The following DENND1A variants were observed in gnomAD, a reference collection of about 807,000 sequenced individuals.
DENND1A encodes the protein DENN domain-containing protein 1A.
Under a neutral mutation model 113.7 loss-of-function variants are expected in DENND1A, and 51 were observed. That is an observed-to-expected ratio of 0.45 (90% CI 0.36 to 0.57). DENND1A has a LOEUF of 0.57. Ranked by LOEUF, DENND1A falls within the 20% of genes least tolerant of loss-of-function variation. DENND1A has a pLI of 0.00. For missense variants in DENND1A, 1,258 were observed against 1,395.9 expected, an observed-to-expected ratio of 0.90 and a Z score of 1.57; for synonymous variants, 565 against 570.8, an observed-to-expected ratio of 0.99 and a Z score of 0.14.
chr9:123,596,412 A>T (rs1205164047), intron 11 of DENND1A, among the ~76,000 whole-genome samples: 1 of 152,234 alleles, frequency 6.6e-6, no homozygotes. Context: ...TTTTATATTT[A>T]CCTATATTTT....
intron 5 of DENND1A, among the ~76,000 whole-genome samples, chr9:123,743,703 A>C (rs901485411): frequency 6.6e-6 from 1 of 151,740 alleles, no homozygotes; most frequent in African/African-American, 2.4e-5. Flanking sequence ...TTGCACTTCA[A>C]CCTGGGCAAC....
intron 21 of DENND1A, chr9:123,401,626 T>C: frequency 2.8e-6 from 4 of 1,438,168 alleles, no homozygotes; most frequent in Non-Finnish European, 3.7e-6. Context: ...CCCCAAATAT[T>C]TTCCAACAGA....
At chr9:123,582,247 C>G (rs1320160228) in intron 12 of DENND1A, among the ~76,000 whole-genome samples, 1 of 152,164 alleles carries the variant, frequency 6.6e-6, no homozygotes, top group Non-Finnish European at 1.5e-5. Context: ...GGGAGCTGCC[C>G]TGATCTCTAG....
At chr9:123,423,336 C>T (rs184472490) in intron 19 of DENND1A, among the ~76,000 whole-genome samples, 1 of 152,348 alleles carries the variant, frequency 6.6e-6, no homozygotes, top group Non-Finnish European at 1.5e-5. Context: ...CTCCCCCAGC[C>T]AGCCCTCTTC....
At chr9:123,887,629 C>CA (rs1424688364) in intron 1 of DENND1A, among the ~76,000 whole-genome samples, 1 of 151,172 alleles carries the variant, frequency 6.6e-6, no homozygotes, top group East Asian at 2.0e-4. Flanking sequence ...GGAGATCGTC[C>CA]ATGTTGGGTA....
At chr9:123,788,721 A>T (rs1258040054) in intron 3 of DENND1A, among the ~76,000 whole-genome samples, 2 of 152,116 alleles carry the variant, frequency 1.3e-5, no homozygotes, top group Non-Finnish European at 2.9e-5. Flanking sequence ...AAAATTTTCC[A>T]ATTGGCTTTT....
chr9:123,603,405 C>T (rs928833995), intron 11 of DENND1A, among the ~76,000 whole-genome samples: 14 of 152,148 alleles, frequency 9.2e-5, no homozygotes, highest in African/African-American at 2.4e-4. Context: ...CTCTGGATCC[C>T]GAGACCAAGA....
rs2768814 is a variant in DENND1A at position 123,784,490 on chromosome 9, A to C, written c.132+8097T>G. ...ACAGGACTTGTAGGTGTGTCCAAGG[A>C]GCAACCGGGACTGATTCTATGAGGC... On this transcript the variant is annotated intron_variant, in intron 3 of 23. Coordinates refer to ENST00000394215, the MANE Select transcript of DENND1A (RefSeq NM_001352964.2). Among the ~76,000 whole-genome samples the C allele has an allele frequency of 7.4e-3, 1,134 of 152,274 alleles. 9 individuals are homozygous for C. The highest frequency in any genetic ancestry group is 0.026 in the African/African-American group (1,071 of 41,538).
At chr9:123,780,946 A>C (rs1831219806) in intron 3 of DENND1A, among the ~76,000 whole-genome samples, 1 of 152,118 alleles carries the variant, frequency 6.6e-6, no homozygotes, top group African/African-American at 2.4e-5. Flanking sequence ...CTATCGATGG[A>C]ATGCACCTTG....
chr9:123,613,481 C>T (rs576148696), intron 10 of DENND1A, among the ~76,000 whole-genome samples: 1 of 152,294 alleles, frequency 6.6e-6, no homozygotes, highest in South Asian at 2.1e-4. Context: ...AGTGATCTTC[C>T]TGTTTAGGTT....
At chr9:123,457,972 G>A in intron 13 of DENND1A, 75 bp from the exon 14 acceptor site, 1 of 1,132,044 alleles carries the variant, frequency 8.8e-7, no homozygotes, top group South Asian at 1.5e-5. Context: ...CCTATTTGCA[G>A]AGTTTCTCCA....
chr9:123,884,322 A>C (rs1309908416), intron 1 of DENND1A, among the ~76,000 whole-genome samples: 13 of 152,202 alleles, frequency 8.5e-5, no homozygotes, highest in Admixed American at 8.5e-4. Context: ...CTAATTTGGT[A>C]CATGTAATGA....
intron 1 of DENND1A, among the ~76,000 whole-genome samples, chr9:123,904,038 C>T (rs2133934111): frequency 6.6e-6 from 1 of 152,188 alleles, no homozygotes; most frequent in Non-Finnish European, 1.5e-5. Context: ...AACGGGCAGA[C>T]TGCCTCCTCA....
chr9:123,824,707 T>C (rs761363844), intron 2 of DENND1A, among the ~76,000 whole-genome samples: 9 of 152,212 alleles, frequency 5.9e-5, no homozygotes, highest in Non-Finnish European at 8.8e-5. Flanking sequence ...AAGGTACTAC[T>C]GTAAACTGTT....
intron 9 of DENND1A, among the ~76,000 whole-genome samples, chr9:123,642,482 C>T (rs2062081519): frequency 6.6e-6 from 1 of 152,222 alleles, no homozygotes; most frequent in African/African-American, 2.4e-5. Flanking sequence ...TAGTTTTCTT[C>T]TCACTTCTTT....
At chr9:123,527,127 C>T (rs1441580352) in intron 13 of DENND1A, among the ~76,000 whole-genome samples, 1 of 152,100 alleles carries the variant, frequency 6.6e-6, no homozygotes, top group African/African-American at 2.4e-5. Context: ...AATCCTAAGC[C>T]CTGTGGATCC....
At chr9:123,475,086 T>G (rs1465570531) in intron 13 of DENND1A, among the ~76,000 whole-genome samples, 1 of 152,166 alleles carries the variant, frequency 6.6e-6, no homozygotes, top group Non-Finnish European at 1.5e-5. Context: ...TGGCCCGATC[T>G]CAGCTCACTG....
chr9:123,644,418 C>A lies in DENND1A; in HGVS notation c.618+7595G>T, dbSNP rs866879722. Among the ~76,000 whole-genome samples the A allele has an allele frequency of 2.1e-4, 27 of 125,680 alleles. 1 individual carries two copies. Among genetic ancestry groups the A allele is most frequent in the Admixed American group, 7.3e-4 (9 of 12,254 alleles). The allele number at this position is 125,680 out of a possible 152,430, so 82.5% of individuals were successfully genotyped here. A position where few individuals can be genotyped will look rare whatever the true frequency, so the allele number is the denominator to read the frequency against. ...AAAAAAAAAACCTCTAAGTACTATACAATCAGGTCTTATTTTTCACCCAAA... is the reference window on the plus strand; with the variant it reads ...AAAAAAAAAACCTCTAAGTACTATAAAATCAGGTCTTATTTTTCACCCAAA... On this transcript the variant is annotated intron_variant, in intron 9 of 23. Transcript: ENST00000394215.
At chr9:123,473,321 G>A (rs946488184) in intron 13 of DENND1A, among the ~76,000 whole-genome samples, 3 of 152,198 alleles carry the variant, frequency 2.0e-5, no homozygotes, top group Non-Finnish European at 4.4e-5. Context: ...TGTGCTGGGA[G>A]GGGCAGGGGA....
Sources: allele counts gnomAD v4.1 joint callset (sites outside exome capture counted in the v4.1 genomes callset), GRCh38; gene constraint gnomAD v4.1.1; transcripts MANE v1.5; gene names NCBI Gene and HGNC (gene_info 2026-07-23, HGNC 2026-07-21).